NRG1: variants seen among roughly 807,000 people sequenced by gnomAD.
NRG1 encodes the protein pro-neuregulin-1, membrane-bound isoform.
A neutral mutation model predicts 63.8 loss-of-function variants in NRG1; 18 were observed. That is an observed-to-expected ratio of 0.28 (90% CI 0.19 to 0.42). The LOEUF (loss-of-function observed/expected upper bound fraction) is 0.42. Ranked by LOEUF, NRG1 falls within the 10% of genes least tolerant of loss-of-function variation. The pLI is 1.00. For missense variants in NRG1, 762 were observed against 814.7 expected, an observed-to-expected ratio of 0.94 and a Z score of 0.79; for synonymous variants, 302 against 301.3, an observed-to-expected ratio of 1.00 and a Z score of -0.02.
chr8:31,686,035 A>T (rs7016280), intron 1 of NRG1, among the ~76,000 whole-genome samples: 144,014 of 152,224 alleles, frequency 0.95, 68,597 homozygotes, highest in East Asian at 1. Context: ...GCTGGGTAAC[A>T]ATACTTAATA....
intron 1 of NRG1, among the ~76,000 whole-genome samples, chr8:31,934,420 C>CT (rs1554580265): frequency 0.018 from 1,945 of 108,026 alleles, 241 homozygotes; most frequent in African/African-American, 0.073. Context: ...TATTCGCTCT[C>CT]TTTTTTTTTT....
intron 1 of NRG1, among the ~76,000 whole-genome samples, chr8:32,065,630 G>A (rs569099558): frequency 9.8e-4 from 149 of 152,266 alleles, no homozygotes; most frequent in Non-Finnish European, 1.6e-3. Context: ...ATTGTGAATA[G>A]TGCCACTATA....
At chr8:32,629,754 C>T (rs1423430685) in intron 5 of NRG1, among the ~76,000 whole-genome samples, 1 of 151,894 alleles carries the variant, frequency 6.6e-6, no homozygotes, top group Admixed American at 6.6e-5. Context: ...TTATAAAAAT[C>T]AGTTTCTCCT....
intron 1 of NRG1, among the ~76,000 whole-genome samples, chr8:32,527,692 A>G (rs2129515208): frequency 6.6e-6 from 1 of 152,334 alleles, no homozygotes; most frequent in South Asian, 2.1e-4. Context: ...TCAAATGACA[A>G]CTTAATGCAG....
chr8:31,941,885 C>A (rs1050865578), intron 1 of NRG1, among the ~76,000 whole-genome samples: 1 of 151,966 alleles, frequency 6.6e-6, no homozygotes, highest in South Asian at 2.1e-4. Context: ...TGAAAGAAAT[C>A]ATAGACAACA....
At chr8:31,653,385 C>T (rs145075188) in intron 1 of NRG1, among the ~76,000 whole-genome samples, 4 of 152,136 alleles carry the variant, frequency 2.6e-5, no homozygotes, top group East Asian at 1.9e-4. Context: ...AAGTAAAATG[C>T]GATAGTTTAT....
At chr8:31,666,935 T>G (rs1200931211) in intron 1 of NRG1, among the ~76,000 whole-genome samples, 2 of 152,214 alleles carry the variant, frequency 1.3e-5, no homozygotes, top group Non-Finnish European at 1.5e-5. Flanking sequence ...GCTGTCAACA[T>G]GTTAACTCAT....
chr8:32,403,846 T>C (rs1813567017), intron 1 of NRG1, among the ~76,000 whole-genome samples: 1 of 152,126 alleles, frequency 6.6e-6, no homozygotes, highest in Non-Finnish European at 1.5e-5. Flanking sequence ...GTACAAAGTT[T>C]TAAAAGTACA....
At chr8:32,065,446 A>C (rs1448598256) in intron 1 of NRG1, among the ~76,000 whole-genome samples, 2 of 152,090 alleles carry the variant, frequency 1.3e-5, no homozygotes, top group Non-Finnish European at 2.9e-5. Flanking sequence ...GAGTGAGAAC[A>C]TGTGGTGTTT....
chr8:32,499,596 C>T (rs564572558), intron 1 of NRG1, among the ~76,000 whole-genome samples: 1 of 152,206 alleles, frequency 6.6e-6, no homozygotes, highest in African/African-American at 2.4e-5. Context: ...ATTGCTTGAG[C>T]CCAGGAGGTC....
At chr8:32,057,485 G>T (rs781408404) in intron 1 of NRG1, among the ~76,000 whole-genome samples, 1 of 152,040 alleles carries the variant, frequency 6.6e-6, no homozygotes, top group East Asian at 1.9e-4. Context: ...TGATTTAATT[G>T]CCACCTCATT....
At chr8:31,947,416 T>G (rs937212937) in intron 1 of NRG1, among the ~76,000 whole-genome samples, 5 of 152,162 alleles carry the variant, frequency 3.3e-5, no homozygotes, top group Admixed American at 6.6e-5. Context: ...AGCTATGTTG[T>G]TTTTGTTATT....
intron 1 of NRG1, among the ~76,000 whole-genome samples, chr8:32,558,197 A>G (rs1164736805): frequency 6.6e-6 from 1 of 152,170 alleles, no homozygotes; most frequent in Non-Finnish European, 1.5e-5. Flanking sequence ...AATCCACACA[A>G]GGCCGCCTTG....
intron 1 of NRG1, among the ~76,000 whole-genome samples, chr8:32,554,766 A>T (rs1834789413): frequency 6.6e-6 from 1 of 152,210 alleles, no homozygotes; most frequent in Admixed American, 6.5e-5. Flanking sequence ...AGTCCAAGTC[A>T]AGTGAGATCT....
chr8:32,171,157 G>T (rs1839985404), intron 1 of NRG1, among the ~76,000 whole-genome samples: 1 of 152,028 alleles, frequency 6.6e-6, no homozygotes, highest in East Asian at 1.9e-4. Context: ...ACTTGCTTTT[G>T]CTTTTTAGGA....
chr8:32,173,904 C>A (rs897755731), intron 1 of NRG1, among the ~76,000 whole-genome samples: 3 of 152,194 alleles, frequency 2.0e-5, no homozygotes, highest in Non-Finnish European at 4.4e-5. Context: ...GACTTTAACA[C>A]TCCACTGTCA....
At chr8:32,495,128 G>A (rs970861845) in intron 1 of NRG1, among the ~76,000 whole-genome samples, 3 of 152,164 alleles carry the variant, frequency 2.0e-5, no homozygotes, top group African/African-American at 7.2e-5. Flanking sequence ...CAGTGACCAG[G>A]TGATATGGTT....
intron 1 of NRG1, among the ~76,000 whole-genome samples, chr8:31,906,376 C>A (rs1200244315): frequency 6.6e-6 from 1 of 152,084 alleles, no homozygotes; most frequent in Non-Finnish European, 1.5e-5. Context: ...TGTATCAACA[C>A]AGGTACGATG....
intron 1 of NRG1, among the ~76,000 whole-genome samples, chr8:31,811,277 G>A (rs1318796455): frequency 6.6e-6 from 1 of 152,138 alleles, no homozygotes; most frequent in Non-Finnish European, 1.5e-5. Flanking sequence ...GCTGTTTTAG[G>A]GAGAATCAAT....
Sources: gnomAD v4.1 joint callset for allele counts (sites outside exome capture counted in the v4.1 genomes callset) on GRCh38, gnomAD v4.1.1 for gene constraint, MANE v1.5 for transcripts, NCBI Gene and HGNC (gene_info 2026-07-23, HGNC 2026-07-21) for gene names.